The following PDE11A variants were observed in gnomAD, a reference collection of about 807,000 sequenced individuals.
The protein encoded by PDE11A is phosphodiesterase 11A.
Under a neutral mutation model 100.5 loss-of-function variants are expected in PDE11A, and 100 were observed. The ratio of observed to expected loss-of-function variants is 1.00; its 90% CI spans 0.85 to 1.18. PDE11A has a LOEUF of 1.18. PDE11A is among the 50% of genes most tolerant of loss of function. The pLI is 0.00. For synonymous variants in PDE11A, 381 were observed against 420.8 expected (o/e 0.91, Z 1.16); for missense variants, 1,141 against 1,152.6 (o/e 0.99, Z 0.15).
At chr2:177,642,189 T>C (rs2080153991) in intron 19 of PDE11A, among the ~76,000 whole-genome samples, 1 of 152,240 alleles carries the variant, frequency 6.6e-6, no homozygotes. Flanking sequence ...AGCTAATAAA[T>C]GTTTTCCTTA....
At chr2:178,061,247 G>C (rs1272964524) in intron 1 of PDE11A, among the ~76,000 whole-genome samples, 2 of 152,006 alleles carry the variant, frequency 1.3e-5, no homozygotes, top group African/African-American at 4.8e-5. Flanking sequence ...GGCAGTGGGG[G>C]TGTGATTTTA....
intron 9 of PDE11A, among the ~76,000 whole-genome samples, chr2:177,809,296 CAACAAA>C (rs1294895735): frequency 6.6e-6 from 1 of 152,058 alleles, no homozygotes; most frequent in Non-Finnish European, 1.5e-5. Flanking sequence ...TTTAAAGCAA[CAACAAA>C]AACAAAAACA....
At chr2:177,813,834 G>A (rs6711034) in intron 9 of PDE11A, among the ~76,000 whole-genome samples, 60,646 of 147,386 alleles carry the variant, frequency 0.41, 13,905 homozygotes, top group African/African-American at 0.64. Flanking sequence ...TTGCTAACCG[G>A]AAAAAAAAAA....
At chr2:177,841,649 C>T (rs1372615672) in intron 5 of PDE11A, among the ~76,000 whole-genome samples, 1 of 152,214 alleles carries the variant, frequency 6.6e-6, no homozygotes, top group Non-Finnish European at 1.5e-5. Flanking sequence ...TATATCTCAT[C>T]TGTAATGATT....
At chr2:177,669,291 C>G (rs755842105) in intron 18 of PDE11A, among the ~76,000 whole-genome samples, 2 of 152,098 alleles carry the variant, frequency 1.3e-5, no homozygotes, top group Non-Finnish European at 2.9e-5. Flanking sequence ...GCAGGAAATG[C>G]TTGTTAAGTA....
intron 9 of PDE11A, among the ~76,000 whole-genome samples, chr2:177,794,553 C>T (rs1429932403): frequency 6.6e-6 from 1 of 152,128 alleles, no homozygotes; most frequent in Non-Finnish European, 1.5e-5. Context: ...GAGCCATTTT[C>T]CTCCTTTTCA....
intron 5 of PDE11A, among the ~76,000 whole-genome samples, chr2:177,847,736 C>A (rs1187918767): frequency 6.6e-6 from 1 of 152,198 alleles, no homozygotes; most frequent in Non-Finnish European, 1.5e-5. Flanking sequence ...AGAATACTGT[C>A]TGCCAAGCTC....
intron 19 of PDE11A, among the ~76,000 whole-genome samples, chr2:177,658,054 G>C (rs1056968828): frequency 6.6e-6 from 1 of 152,108 alleles, no homozygotes; most frequent in Non-Finnish European, 1.5e-5. Context: ...CTGGCACAAA[G>C]TACTCATCAC....
intron 15 of PDE11A, chr2:177,686,702 T>C (rs1163793961): frequency 1.0e-5 from 1 of 96,784 alleles, no homozygotes; most frequent in African/African-American, 8.2e-5. Context: ...TGTAAATTTT[T>C]TTTTTTTTTT....
intron 14 of PDE11A, 73 bp from the exon 15 acceptor site, chr2:177,697,505 T>C: frequency 1.3e-6 from 1 of 793,294 alleles, no homozygotes; most frequent in South Asian, 1.4e-5. Flanking sequence ...TTCCTCTATT[T>C]AAAAAAAAGT....
rs529114160 is a variant in PDE11A, at chr2:177,835,993, C to T, written c.1500+4258G>A. On this transcript the variant is annotated intron_variant, in intron 6 of 19. Transcript: ENST00000286063. ...TCCTGTGCTGCCCGAGCCTCCCCGA[C>T]GAGCGCTGCCCCCTGCTCTGCAGCA... Among the ~76,000 whole-genome samples the T allele has an allele frequency of 3.3e-4, 50 of 152,310 alleles. No individual in the cohort carries two copies. In the South Asian group the frequency reaches 4.1e-3, roughly 13 times the overall value.
At chr2:177,855,509 TC>T (rs1321590601) in intron 5 of PDE11A, among the ~76,000 whole-genome samples, 6 of 152,002 alleles carry the variant, frequency 3.9e-5, no homozygotes, top group Non-Finnish European at 5.9e-5. Context: ...TATTTGCATC[TC>T]CCTCTATCCA....
chr2:178,100,525 A>G (rs2087548665), intron 2 of PDE11A, among the ~76,000 whole-genome samples: 2 of 152,198 alleles, frequency 1.3e-5, no homozygotes, highest in Non-Finnish European at 2.9e-5. Flanking sequence ...CTGTGCTAAC[A>G]TATTTTTTAA....
chr2:177,641,546 CAG>C, intron 19 of PDE11A, among the ~76,000 whole-genome samples: 1 of 152,054 alleles, frequency 6.6e-6, no homozygotes, highest in East Asian at 1.9e-4. Flanking sequence ...AGGCAGCAAA[CAG>C]ACTCCTCCTA....
intron 5 of PDE11A, among the ~76,000 whole-genome samples, chr2:177,873,571 G>T (rs2084180562): frequency 6.6e-6 from 1 of 151,720 alleles, no homozygotes; most frequent in Non-Finnish European, 1.5e-5. Flanking sequence ...CCTTTTTTAG[G>T]TAAATTTCTC....
intron 2 of PDE11A, among the ~76,000 whole-genome samples, chr2:177,990,571 C>A (rs1468050879): frequency 6.6e-6 from 1 of 151,846 alleles, no homozygotes; most frequent in Non-Finnish European, 1.5e-5. Flanking sequence ...AACCCCATCT[C>A]TACTAAAAAT....
intron 2 of PDE11A, among the ~76,000 whole-genome samples, chr2:177,957,349 G>A (rs1432701525): frequency 6.6e-6 from 1 of 152,124 alleles, no homozygotes; most frequent in Non-Finnish European, 1.5e-5. Context: ...AAATTCAGTA[G>A]TGTTTCTTTT....
chr2:178,072,787 G>A (rs1347486916), upstream of PDE11A: 1 of 1,237,942 alleles, frequency 8.1e-7, no homozygotes, highest in Non-Finnish European at 1.0e-6. Flanking sequence ...CGGATGAGTG[G>A]ACCGCTGTGA....
rs2086356845 is a variant in PDE11A at position 178,017,739 on chromosome 2, T to C, written c.913-3279A>G. On this transcript the variant is annotated intron_variant, in intron 1 of 19. Transcript: ENST00000286063. ...ACGTTGGGAGGCTGAGGCCGGCAGATCACGAAGTCAGGAGTTCGAGACCAG... is the reference window on the plus strand; with the variant it reads ...ACGTTGGGAGGCTGAGGCCGGCAGACCACGAAGTCAGGAGTTCGAGACCAG... 2.0e-5 allele frequency among the ~76,000 whole-genome samples: 3 copies of C among 152,112 alleles called. No homozygotes were observed. The South Asian group carries it at 6.2e-4, about 32-fold the overall frequency.
Sources: gnomAD v4.1 joint callset for allele counts (sites outside exome capture counted in the v4.1 genomes callset) on GRCh38, gnomAD v4.1.1 for gene constraint, MANE v1.5 for transcripts, NCBI Gene and HGNC (gene_info 2026-07-23, HGNC 2026-07-21) for gene names.